SEPTIN11: variants seen among roughly 807,000 people sequenced by gnomAD.
SEPTIN11 encodes septin-11.
SEPTIN11 carries 25 observed loss-of-function variants against 51.4 expected under a neutral mutation model. That is an observed-to-expected ratio of 0.49 (90% CI 0.35 to 0.68). The LOEUF is 0.68. Ranked by LOEUF, SEPTIN11 falls within the 30% of genes least tolerant of loss-of-function variation. The pLI, the probability that SEPTIN11 is intolerant of heterozygous loss-of-function variation, is 0.00. For synonymous variants in SEPTIN11, 174 were observed against 184.1 expected (o/e 0.95, Z 0.44); for missense variants, 381 against 520.8 (o/e 0.73, Z 2.61).
At chr4:76,968,374 G>T (rs184428350) in intron 1 of SEPTIN11, among the ~76,000 whole-genome samples, 1 of 152,172 alleles carries the variant, frequency 6.6e-6, no homozygotes, top group Admixed American at 6.5e-5. Context: ...TTAAGTTGAG[G>T]CTTAAATTTC....
At chr4:77,033,207 G>A (rs940646691) in intron 9 of SEPTIN11, among the ~76,000 whole-genome samples, 4 of 152,078 alleles carry the variant, frequency 2.6e-5, no homozygotes, top group Non-Finnish European at 5.9e-5. Context: ...GGAGTGTTTT[G>A]GTTAGAGGGA....
intron 1 of SEPTIN11, among the ~76,000 whole-genome samples, chr4:76,988,678 A>C (rs963793786): frequency 3.9e-5 from 6 of 152,206 alleles, no homozygotes; most frequent in Non-Finnish European, 7.3e-5. Context: ...GCCCAGCCCT[A>C]GGTTTTGTTT....
At chr4:77,001,110 GA>G (rs1355901249) in intron 2 of SEPTIN11, among the ~76,000 whole-genome samples, 2 of 152,154 alleles carry the variant, frequency 1.3e-5, no homozygotes, top group Non-Finnish European at 2.9e-5. Context: ...CCTGAGGATA[GA>G]ATGGAAAAGG....
At chr4:76,958,983 C>A (rs1315622662) in intron 1 of SEPTIN11, 1 of 853,568 alleles carries the variant, frequency 1.2e-6, no homozygotes, top group Non-Finnish European at 2.0e-6. Context: ...AAAGCAACAT[C>A]CTGACAGTCA....
chr4:76,997,991 G>A (rs577898970), intron 2 of SEPTIN11, among the ~76,000 whole-genome samples: 1 of 152,192 alleles, frequency 6.6e-6, no homozygotes, highest in Non-Finnish European at 1.5e-5. Flanking sequence ...GTGGGATCCT[G>A]GTTTAACTGG....
At chr4:77,001,941 C>T (rs913662439) in intron 2 of SEPTIN11, among the ~76,000 whole-genome samples, 3 of 152,126 alleles carry the variant, frequency 2.0e-5, no homozygotes, top group African/African-American at 7.2e-5. Flanking sequence ...GAGTCTGAGA[C>T]TAGCATGGGG....
At chr4:77,022,968 A>G (rs1012326537) in intron 7 of SEPTIN11, among the ~76,000 whole-genome samples, 2 of 152,134 alleles carry the variant, frequency 1.3e-5, no homozygotes, top group East Asian at 3.9e-4. Context: ...CTGCAGACGC[A>G]CAGCCTGCTA....
At position 76,949,823 on chromosome 4, in the gene SEPTIN11, C is replaced by G. The variant is rs1042158853; in HGVS notation, c.-81C>G. 20 of 1,439,776 alleles carry G rather than the reference C, an allele frequency of 1.4e-5. No homozygotes were observed. The highest frequency in any genetic ancestry group is 1.9e-5 in the Non-Finnish European group (20 of 1,076,338). The allele number at this position is 1,439,776 out of a possible 1,614,324, so 89.2% of individuals were successfully genotyped here. On this transcript the variant is annotated 5_prime_UTR_variant, in exon 1 of 10. Coordinates refer to ENST00000264893, the MANE Select transcript of SEPTIN11 (RefSeq NM_018243.4). ...AGCCGCGAGGGAGGCGCGAGGGAGGCGAGCCGGAGCCCGAGCACTAGCAGC... is the reference window on the plus strand; with the variant it reads ...AGCCGCGAGGGAGGCGCGAGGGAGGGGAGCCGGAGCCCGAGCACTAGCAGC...
At chr4:77,023,303 A>C (rs1027468660) in intron 7 of SEPTIN11, among the ~76,000 whole-genome samples, 1 of 115,478 alleles carries the variant, frequency 8.7e-6, no homozygotes, top group Non-Finnish European at 1.8e-5. Context: ...CACACACACA[A>C]TATATATATA....
At chr4:77,015,784 A>G (rs1360178814) in intron 5 of SEPTIN11, among the ~76,000 whole-genome samples, 1 of 152,208 alleles carries the variant, frequency 6.6e-6, no homozygotes, top group Non-Finnish European at 1.5e-5. Context: ...GAATCTGGAA[A>G]GCAGATTCTT....
At chr4:76,961,564 T>C (rs1578119336) in intron 1 of SEPTIN11, among the ~76,000 whole-genome samples, 1 of 152,322 alleles carries the variant, frequency 6.6e-6, no homozygotes, top group East Asian at 1.9e-4. Flanking sequence ...CTACTGAACA[T>C]CAGAGCTTAG....
intron 1 of SEPTIN11, among the ~76,000 whole-genome samples, chr4:76,956,991 T>TGA (rs1428545099): frequency 1.4e-5 from 2 of 138,296 alleles, no homozygotes; most frequent in Middle Eastern, 3.6e-3. Flanking sequence ...TGTGTGTGTG[T>TGA]GTGAGAGAGA....
In SEPTIN11 at chr4:77,034,873, C is replaced by T. The variant is rs3796493; in HGVS notation, c.*361C>T. ...GTCTGACATGAAAACTTCTCACCGC[C>T]TCAGCAGCTGAACTAAAAACCTGAA... is the stretch of plus-strand genomic sequence containing the variant. On this transcript the variant is annotated 3_prime_UTR_variant, in exon 10 of 10. Coordinates refer to ENST00000264893, the MANE Select transcript of SEPTIN11 (RefSeq NM_018243.4). The T allele has an allele frequency of 3.3e-4, 330 of 1,010,376 alleles. 2 individuals are homozygous for T. The East Asian group carries it at 0.018, about 55-fold the overall frequency. The allele number at this position is 1,010,376 out of a possible 1,614,324, so 62.6% of individuals were successfully genotyped here.
chr4:76,993,163 T>C (rs1249215940), intron 1 of SEPTIN11, among the ~76,000 whole-genome samples: 1 of 152,032 alleles, frequency 6.6e-6, no homozygotes, highest in African/African-American at 2.4e-5. Flanking sequence ...TCAGAGTTGA[T>C]GGTGGGAGGG....
At chr4:76,954,294 C>T (rs1439480041) in intron 1 of SEPTIN11, among the ~76,000 whole-genome samples, 1 of 152,198 alleles carries the variant, frequency 6.6e-6, no homozygotes, top group Non-Finnish European at 1.5e-5. Context: ...GGGATAGACG[C>T]TGCTCTTGGA....
intron 1 of SEPTIN11, among the ~76,000 whole-genome samples, chr4:76,957,641 C>T (rs1449826106): frequency 6.6e-6 from 1 of 152,088 alleles, no homozygotes; most frequent in Non-Finnish European, 1.5e-5. Context: ...GGGCTCAAAC[C>T]AGAACTGCCA....
intron 2 of SEPTIN11, among the ~76,000 whole-genome samples, chr4:77,002,924 C>T (rs1229105341): frequency 6.6e-6 from 1 of 152,194 alleles, no homozygotes; most frequent in African/African-American, 2.4e-5. Flanking sequence ...TTCATCCCTG[C>T]ACCTATGCTT....
In SEPTIN11 at chr4:77,036,413, C is replaced by T; in HGVS notation, c.*1901C>T. The stretch of plus-strand genomic sequence containing the variant: ...AAAGCTTGAATATTTGTGTTGTATG[C>T]TTGTTCCAACCACCGCTTGTGTGAG... On this transcript the variant is annotated 3_prime_UTR_variant, in exon 10 of 10. Coordinates refer to ENST00000264893, the MANE Select transcript of SEPTIN11 (RefSeq NM_018243.4). The T allele has an allele frequency of 1.3e-5, 15 of 1,140,046 alleles. No homozygotes were observed. Among genetic ancestry groups the T allele is most frequent in the Non-Finnish European group, 1.3e-5 (12 of 924,294 alleles). The allele number at this position is 1,140,046 out of a possible 1,614,324, so 70.6% of individuals were successfully genotyped here. A position where few individuals can be genotyped will look rare whatever the true frequency, so the allele number is the denominator to read the frequency against.
chr4:77,037,012 T>C lies in SEPTIN11; in HGVS notation c.*2500T>C. The C allele has an allele frequency of 8.0e-7, 1 of 1,249,440 alleles. No individual in the cohort carries two copies. The highest frequency in any genetic ancestry group is 3.1e-4 in the Middle Eastern group (1 of 3,272). The allele number at this position is 1,249,440 out of a possible 1,614,324, so 77.4% of individuals were successfully genotyped here. A position where few individuals can be genotyped will look rare whatever the true frequency, so the allele number is the denominator to read the frequency against. Reference sequence around the variant, plus strand: ...ATTTAAAAGGCCACATTTATATTTTTTTCACAAGAACCACATAATAAATTC... The same window carrying C: ...ATTTAAAAGGCCACATTTATATTTTCTTCACAAGAACCACATAATAAATTC... On this transcript the variant is annotated 3_prime_UTR_variant, in exon 10 of 10. Coordinates refer to ENST00000264893, the MANE Select transcript of SEPTIN11 (RefSeq NM_018243.4).
Sources: gnomAD v4.1 joint callset for allele counts (sites outside exome capture counted in the v4.1 genomes callset) on GRCh38, gnomAD v4.1.1 for gene constraint, MANE v1.5 for transcripts, NCBI Gene and HGNC (gene_info 2026-07-23, HGNC 2026-07-21) for gene names.